Variants in ADAMTS7 observed in about 807,000 individuals in gnomAD.
The protein encoded by ADAMTS7 is ADAM metallopeptidase with thrombospondin type 1 motif 7.
A neutral mutation model predicts 172.6 loss-of-function variants in ADAMTS7; 89 were observed. The ratio of observed to expected loss-of-function variants is 0.52; its 90% CI spans 0.43 to 0.61. The LOEUF is 0.61. Ranked by LOEUF, ADAMTS7 falls within the 20% of genes least tolerant of loss-of-function variation. ADAMTS7 has a pLI of 0.00. For synonymous variants in ADAMTS7, 885 were observed against 978.4 expected (o/e 0.90, Z 1.78); for missense variants, 1,973 against 2,355.6 (o/e 0.84, Z 3.36).
rs1318313419 is a variant in ADAMTS7 at position 78,774,092 on chromosome 15, A to G, written c.2010+75T>C. On this transcript the variant is annotated intron_variant, in intron 13 of 23. Transcript: ENST00000388820. ...GCCCGAGGAGGATCAGGAGGGACCC[A>G]GGAGAGAACCTGGGGCCTGCCAGTG... is the stretch of plus-strand genomic sequence containing the variant. 5.1e-6 allele frequency: 8 copies of G among 1,561,760 alleles called. No homozygotes were observed. In the Admixed American group the frequency reaches 7.3e-5, roughly 14 times the overall value.
chr15:78,776,685 C>T (rs2055350640), intron 10 of ADAMTS7, 64 bp downstream of exon 10: 4 of 1,459,882 alleles, frequency 2.7e-6, no homozygotes, highest in Non-Finnish European at 3.7e-6. Flanking sequence ...GACCCCAGGG[C>T]CTGGTCACAG....
chr15:78,767,466 A>C lies in ADAMTS7; in HGVS notation c.2772T>G (p.Cys924Trp). Residue 924 changes from cysteine (C) to tryptophan (W), a missense_variant, in exon 18 of 24, where the codon TGT becomes TGG. Transcript: ENST00000388820. ...DEQSALEPPA[C>W]EHLPRPPTET... ...CAGTAGGGGGCCGGGGAAGGTGTTC[A>C]CAGGCGGGTGGCTCCAGGGCGCTCT... The C allele has an allele frequency of 6.2e-7, 1 of 1,611,636 alleles. No individual in the cohort carries two copies. The highest frequency in any genetic ancestry group is 8.5e-7 in the Non-Finnish European group (1 of 1,179,768).
At chr15:78,772,341 A>G (rs1422498284) in intron 14 of ADAMTS7, among the ~76,000 whole-genome samples, 2 of 152,222 alleles carry the variant, frequency 1.3e-5, no homozygotes, top group Non-Finnish European at 2.9e-5. Context: ...AGTAACGTAC[A>G]TGAACATCCT....
In ADAMTS7 at chr15:78,763,978, C is replaced by T. The variant is rs769694748; in HGVS notation, c.4541G>A (p.Arg1514Gln). ...GAGGCAGGGCTGGGCCCCGCAGGGC[C>T]GGTGCGCAGGCGGCTTGGCAGGCCC... The part of the protein sequence containing the change: ...QPGPAKPPAH[R>Q]PCGAQPCLSW... Residue 1514 changes from arginine (R) to glutamine (Q), a missense_variant, in exon 21 of 24, where the codon CGG becomes CAG. This residue lies in a region of ADAMTS7 where 218 missense variants were observed against 216.9 expected (regional missense o/e 1.01). Transcript: ENST00000388820. The T allele has an allele frequency of 2.8e-5, 44 of 1,547,624 alleles. No individual in the cohort carries two copies. The highest frequency in any genetic ancestry group is 7.1e-5 in the East Asian group (3 of 42,478).
In ADAMTS7 at chr15:78,800,393, T is replaced by C. The variant is rs1596200142; in HGVS notation, c.255A>G (p.Gln85=). Residue 85 remains glutamine, a synonymous_variant, in exon 2 of 24, where the codon CAA becomes CAG. Coordinates refer to ENST00000388820, the MANE Select transcript of ADAMTS7 (RefSeq NM_014272.5). ...TGAAGCGCAGCTCGCGCCCGCGGTATTGTAGCTCGTAGAAGGCGGGCGCGT... is the reference window on the plus strand; with the variant it reads ...TGAAGCGCAGCTCGCGCCCGCGGTACTGTAGCTCGTAGAAGGCGGGCGCGT... ...RRDAPAFYEL[Q]YRGRELRFNL... is the part of the protein sequence containing the mutation. The C allele has an allele frequency of 5.6e-6, 9 of 1,608,856 alleles. No individual in the cohort carries two copies. The highest frequency in any genetic ancestry group is 7.6e-6 in the Non-Finnish European group (9 of 1,178,168).
chr15:78,770,185 T>TA lies in ADAMTS7; in HGVS notation c.2518+976dup, dbSNP rs367730745. On this transcript the variant is annotated intron_variant, in intron 16 of 23. Coordinates refer to ENST00000388820, the MANE Select transcript of ADAMTS7 (RefSeq NM_014272.5). ...CTCTAACAAATAAAATAAAATAAAA[T>TA]AAATAAAATAAAATAAAATAGCAAA... is the stretch of plus-strand genomic sequence containing the variant. 4.3e-4 allele frequency among the ~76,000 whole-genome samples: 64 copies of TA among 150,078 alleles called. 1 individual carries two copies. Among genetic ancestry groups the TA allele is most frequent in the Admixed American group, 8.0e-4 (12 of 15,034 alleles).
rs112827102 is a variant in ADAMTS7, at chr15:78,766,626, T to C, written c.3285A>G (p.Thr1095=). The C allele has an allele frequency of 0.089, 139,314 of 1,572,662 alleles. 7,765 individuals are homozygous for C. Among genetic ancestry groups the C allele is most frequent in the East Asian group, 0.23 (10,092 of 44,460 alleles). ...DLDLAGTGDR[T]PPPHSHPAAP... ...CAGCAGGATGGCTGTGTGGTGGGGG[T>C]GTCCGGTCCCCTGTCCCCGCCAGGT... is the stretch of plus-strand genomic sequence containing the variant. Residue 1095 remains threonine, a synonymous_variant, in exon 19 of 24, where the codon ACA becomes ACG. Transcript: ENST00000388820.
rs1414042551 is a variant in ADAMTS7, at chr15:78,767,608, A to G, written c.2646-16T>C. The G allele has an allele frequency of 2.6e-6, 4 of 1,525,828 alleles. No homozygotes were observed. The highest frequency in any genetic ancestry group is 2.5e-5 in the East Asian group (1 of 40,644). The allele number at this position is 1,525,828 out of a possible 1,614,324, so 94.5% of individuals were successfully genotyped here. A position where few individuals can be genotyped will look rare whatever the true frequency, so the allele number is the denominator to read the frequency against. On this transcript the variant is annotated splice_polypyrimidine_tract_variant and intron_variant, in intron 17 of 23. Transcript: ENST00000388820. ...TGCCCACCACCTGGCGAGGGCACAC[A>G]GGTGGCATCAGTGTGGCATCAGACA...
At chr15:78,784,422 G>A (rs529253964) in intron 8 of ADAMTS7, among the ~76,000 whole-genome samples, 1 of 125,212 alleles carries the variant, frequency 8.0e-6, no homozygotes, top group African/African-American at 2.9e-5. Flanking sequence ...AGGGAGGGAG[G>A]GAGGGAGGGA....
intron 14 of ADAMTS7, among the ~76,000 whole-genome samples, chr15:78,772,805 G>A (rs547143019): frequency 1.8e-3 from 279 of 152,384 alleles, no homozygotes; most frequent in African/African-American, 6.2e-3. Flanking sequence ...GCTTCAGGAG[G>A]AGACTACCAT....
Position 78,796,744 on chromosome 15 carries a change from C to T in ADAMTS7, c.665G>A (p.Arg222Gln), listed in dbSNP as rs764411748. The change falls in exon 4 of 24, where the codon CGG becomes CAG. Residue 222 changes from arginine to glutamine, a missense_variant. Coordinates refer to ENST00000388820, the MANE Select transcript of ADAMTS7 (RefSeq NM_014272.5). ...LESRRERWEQ[R>Q]QQWRRPRLRR... ...CAGCCGTGGCCGCCGCCACTGCTGC[C>T]GCTGCTCCCAACGCTCCCGTCGAGA... The T allele has an allele frequency of 1.2e-5, 20 of 1,612,600 alleles. No individual in the cohort carries two copies. Among genetic ancestry groups the T allele is most frequent in the Non-Finnish European group, 1.6e-5 (19 of 1,179,860 alleles).
intron 8 of ADAMTS7, among the ~76,000 whole-genome samples, chr15:78,780,750 C>A (rs2055417489): frequency 6.6e-6 from 1 of 152,250 alleles, no homozygotes; most frequent in South Asian, 2.1e-4. Context: ...GCCCAGCCTG[C>A]CCTCCACTTA....
Position 78,776,705 on chromosome 15 carries a change from T to G in ADAMTS7, c.1560+44A>C, listed in dbSNP as rs888461476. 20 of 1,518,830 alleles carry G rather than the reference T, an allele frequency of 1.3e-5. No homozygotes were observed. In the African/African-American group the frequency reaches 2.6e-4, roughly 20 times the overall value. The allele number at this position is 1,518,830 out of a possible 1,614,324, so 94.1% of individuals were successfully genotyped here. A position where few individuals can be genotyped will look rare whatever the true frequency, so the allele number is the denominator to read the frequency against. ...CAGGGCCTGGTCACAGCAGGAAGTCTGGCCTCTCACACACCCACTGCCGGG... is the reference window on the plus strand; with the variant it reads ...CAGGGCCTGGTCACAGCAGGAAGTCGGGCCTCTCACACACCCACTGCCGGG... On this transcript the variant is annotated intron_variant, in intron 10 of 23. Transcript: ENST00000388820.
chr15:78,796,752 C>CCAA lies in ADAMTS7; in HGVS notation c.654_656dup (p.Arg218_Trp219insCys), dbSNP rs1180619484. The CCAA allele has an allele frequency of 1.2e-6, 2 of 1,612,110 alleles. No homozygotes were observed. The highest frequency in any genetic ancestry group is 2.7e-5 in the African/African-American group (2 of 74,942). On this transcript the variant is annotated inframe_insertion, in exon 4 of 24. Coordinates refer to ENST00000388820, the MANE Select transcript of ADAMTS7 (RefSeq NM_014272.5). ...GCCGCCGCCACTGCTGCCGCTGCTC[C>CCAA]CAACGCTCCCGTCGAGACTCCAGCT...
At chr15:78,807,701 ACAG>A (rs2055814804) in intron 1 of ADAMTS7, among the ~76,000 whole-genome samples, 1 of 148,234 alleles carries the variant, frequency 6.7e-6, no homozygotes, top group Non-Finnish European at 1.5e-5. Flanking sequence ...GCTTATAACA[ACAG>A]CTGGCACATA....
At chr15:78,772,247 G>A (rs1244463102) in intron 14 of ADAMTS7, among the ~76,000 whole-genome samples, 2 of 152,198 alleles carry the variant, frequency 1.3e-5, no homozygotes, top group Non-Finnish European at 2.9e-5. Flanking sequence ...CCTCACATGT[G>A]TAAGCTCATG....
At chr15:78,776,052 C>G in intron 11 of ADAMTS7, 136 bp downstream of exon 11, 2 of 1,220,784 alleles carry the variant, frequency 1.6e-6, no homozygotes, top group African/African-American at 3.1e-5. Context: ...CTTAAGGTGG[C>G]CTGGACACTC....
intron 20 of ADAMTS7, among the ~76,000 whole-genome samples, 189 bp downstream of exon 20, chr15:78,764,366 A>G (rs1038031514): frequency 2.0e-5 from 3 of 152,224 alleles, no homozygotes; most frequent in Non-Finnish European, 4.4e-5. Context: ...GATACAGAGG[A>G]AAGGAGACAG....
rs11853054 is a variant in ADAMTS7, at chr15:78,762,577, G to A, written c.4741-12C>T. 0.36 allele frequency: 474,537 copies of A among 1,327,912 alleles called. 104,339 individuals are homozygous for A. The highest frequency in any genetic ancestry group is 0.4 in the Non-Finnish European group (393,803 of 982,248). The allele number at this position is 1,327,912 out of a possible 1,614,324, so 82.3% of individuals were successfully genotyped here. On this transcript the variant is annotated splice_polypyrimidine_tract_variant and intron_variant, in intron 22 of 23. Transcript: ENST00000388820. Reference sequence around the variant, plus strand: ...CAGGGGCCTGAGCACTGAGGGGAGCGGGGGAGGAATGAGTGTCTCCAGGGC... The same window carrying A: ...CAGGGGCCTGAGCACTGAGGGGAGCAGGGGAGGAATGAGTGTCTCCAGGGC...
Sources: gnomAD v4.1 joint callset for allele counts (sites outside exome capture counted in the v4.1 genomes callset) on GRCh38, gnomAD v4.1.1 for gene constraint, gnomAD v4.1.1 regional missense constraint, MANE v1.5 for transcripts, NCBI Gene and HGNC (gene_info 2026-07-23, HGNC 2026-07-21) for gene names.